AKAP12: variants seen among roughly 807,000 people sequenced by gnomAD.
The protein encoded by AKAP12 is A-kinase anchor protein 12.
Under a neutral mutation model 79.9 loss-of-function variants are expected in AKAP12, and 32 were observed. The observed-to-expected ratio is 0.40, with a 90% CI of 0.30 to 0.54. AKAP12 has a LOEUF of 0.54. AKAP12 is among the 20% of genes least tolerant of loss of function. The pLI is 0.48. For synonymous variants in AKAP12, 808 were observed against 857.0 expected (o/e 0.94, Z 1.00); for missense variants, 2,074 against 2,177.0 (o/e 0.95, Z 0.94).
At chr6:151,251,662 G>A (rs1797176771) in intron 2 of AKAP12, among the ~76,000 whole-genome samples, 1 of 152,194 alleles carries the variant, frequency 6.6e-6, no homozygotes, top group South Asian at 2.1e-4. Flanking sequence ...CTTTAGAACA[G>A]AGAACATCAC....
At chr6:151,273,381 G>C (rs2114714339) in intron 2 of AKAP12, among the ~76,000 whole-genome samples, 1 of 152,284 alleles carries the variant, frequency 6.6e-6, no homozygotes, top group South Asian at 2.1e-4. Context: ...GTTTCCCTGT[G>C]GGGTACTATG....
At chr6:151,330,009 C>G (rs911561186) in intron 3 of AKAP12, among the ~76,000 whole-genome samples, 1 of 152,152 alleles carries the variant, frequency 6.6e-6, no homozygotes, top group South Asian at 2.1e-4. Flanking sequence ...TTTAAGGGAT[C>G]GTGAAACATC....
intron 4 of AKAP12, among the ~76,000 whole-genome samples, chr6:151,354,415 C>T (rs1778389394): frequency 1.3e-5 from 2 of 151,844 alleles, no homozygotes; most frequent in Non-Finnish European, 2.9e-5. Flanking sequence ...GCTCTGTCAT[C>T]CAGGCTGGAA....
At chr6:151,284,847 G>A (rs1043845539) in intron 2 of AKAP12, among the ~76,000 whole-genome samples, 6 of 152,038 alleles carry the variant, frequency 3.9e-5, no homozygotes, top group South Asian at 2.1e-4. Context: ...TTGACTTGAC[G>A]CATCCAGATG....
chr6:151,320,965 C>T (rs2114778469), intron 3 of AKAP12, among the ~76,000 whole-genome samples: 1 of 151,878 alleles, frequency 6.6e-6, no homozygotes, highest in Middle Eastern at 3.4e-3. Context: ...CCACAATCAA[C>T]TGTGGGACAT....
chr6:151,248,035 C>G (rs1055217873), intron 2 of AKAP12, among the ~76,000 whole-genome samples: 2 of 151,012 alleles, frequency 1.3e-5, no homozygotes, highest in Non-Finnish European at 2.9e-5. Context: ...GATTTCAAAA[C>G]GAAATAAACC....
At chr6:151,329,092 A>T (rs1303617218) in intron 3 of AKAP12, among the ~76,000 whole-genome samples, 1 of 150,998 alleles carries the variant, frequency 6.6e-6, no homozygotes, top group Non-Finnish European at 1.5e-5. Flanking sequence ...TTCCCCACTC[A>T]ACTGTAAATG....
intron 2 of AKAP12, among the ~76,000 whole-genome samples, chr6:151,295,723 T>C (rs1422090668): frequency 8.5e-5 from 13 of 152,252 alleles, no homozygotes. Context: ...AATGTTGCTG[T>C]TGGGTGAATA....
At chr6:151,325,924 G>C (rs199880195) in intron 3 of AKAP12, 1 of 1,614,002 alleles carries the variant, frequency 6.2e-7, no homozygotes, top group African/African-American at 1.3e-5. Context: ...CTCCCTGGAC[G>C]GCAGGCACGG....
intron 2 of AKAP12, among the ~76,000 whole-genome samples, chr6:151,252,719 C>T (rs1480363963): frequency 3.5e-5 from 5 of 141,316 alleles, no homozygotes; most frequent in Non-Finnish European, 7.5e-5. Flanking sequence ...GATACCAAGA[C>T]CCCTGTCTCT....
intron 2 of AKAP12, among the ~76,000 whole-genome samples, chr6:151,290,702 T>A (rs1776599935): frequency 6.6e-6 from 1 of 151,782 alleles, no homozygotes; most frequent in African/African-American, 2.4e-5. Flanking sequence ...GCCTCCCAGG[T>A]TCAAGCGATT....
intron 4 of AKAP12, among the ~76,000 whole-genome samples, chr6:151,355,398 G>A (rs1288839973): frequency 6.6e-6 from 1 of 151,578 alleles, no homozygotes; most frequent in African/African-American, 2.4e-5. Flanking sequence ...CACCTCCTGG[G>A]TTCAAGCGAT....
chr6:151,331,686 C>T (rs1260575942), intron 3 of AKAP12, among the ~76,000 whole-genome samples: 3 of 151,918 alleles, frequency 2.0e-5, no homozygotes, highest in Non-Finnish European at 4.4e-5. Flanking sequence ...GAGATCGAGA[C>T]CATCCTGGCT....
At chr6:151,325,722 C>G (rs1582882725) in intron 3 of AKAP12, 1 of 1,511,114 alleles carries the variant, frequency 6.6e-7, no homozygotes. Flanking sequence ...TCTCCCCCAT[C>G]CTCCGGGAGT....
intron 2 of AKAP12, among the ~76,000 whole-genome samples, chr6:151,264,791 A>T (rs150989045): frequency 6.6e-6 from 1 of 152,298 alleles, no homozygotes; most frequent in Non-Finnish European, 1.5e-5. Context: ...AGCTTCAAAC[A>T]TCTCATTCAT....
At chr6:151,295,824 C>A (rs889890060) in intron 2 of AKAP12, among the ~76,000 whole-genome samples, 1 of 152,130 alleles carries the variant, frequency 6.6e-6, no homozygotes, top group Non-Finnish European at 1.5e-5. Flanking sequence ...CAGTAGGACA[C>A]GTGGGGTTCA....
intron 3 of AKAP12, among the ~76,000 whole-genome samples, chr6:151,321,482 A>G (rs936908229): frequency 6.0e-5 from 9 of 151,038 alleles, no homozygotes; most frequent in Admixed American, 1.3e-4. Flanking sequence ...AGTTTTTTCA[A>G]TATTCATCTA....
At chr6:151,264,706 G>A (rs1022777650) in intron 2 of AKAP12, among the ~76,000 whole-genome samples, 1 of 151,402 alleles carries the variant, frequency 6.6e-6, no homozygotes, top group South Asian at 2.1e-4. Context: ...TAAATAGTAT[G>A]ATGTAAAAAT....
At chr6:151,255,973 CT>C (rs55642148) in intron 2 of AKAP12, among the ~76,000 whole-genome samples, 81,523 of 151,684 alleles carry the variant, frequency 0.54, 23,071 homozygotes, top group African/African-American at 0.72. Context: ...CATTTGTGGA[CT>C]TAAACATGCT....
Sources: allele counts gnomAD v4.1 joint callset (sites outside exome capture counted in the v4.1 genomes callset), GRCh38; gene constraint gnomAD v4.1.1; transcripts MANE v1.5; gene names NCBI Gene and HGNC (gene_info 2026-07-23, HGNC 2026-07-21).